Variants in ANK3 observed in about 807,000 individuals in gnomAD.
ANK3 encodes ankyrin-3.
In ANK3, 57 loss-of-function variants were observed where a neutral mutation model predicts 370.9. That is an observed-to-expected ratio of 0.15 (90% CI 0.12 to 0.19). The LOEUF (loss-of-function observed/expected upper bound fraction) is 0.19, where lower values mean the gene tolerates loss of function less well. Ranked by LOEUF, ANK3 falls within the 10% of genes least tolerant of loss-of-function variation. The pLI is 1.00. For synonymous variants in ANK3, 1,929 were observed against 1,946.3 expected (o/e 0.99, Z 0.23); for missense variants, 4,439 against 5,302.1 (o/e 0.84, Z 5.06).
At chr10:60,183,633 C>A (rs1053290795) in intron 17 of ANK3, among the ~76,000 whole-genome samples, 3 of 151,914 alleles carry the variant, frequency 2.0e-5, no homozygotes, top group Non-Finnish European at 4.4e-5. Context: ...CCAAGGCGGA[C>A]GGATCCCCTG....
intron 16 of ANK3, among the ~76,000 whole-genome samples, chr10:60,189,498 CA>C (rs2096428712): frequency 6.6e-6 from 1 of 152,124 alleles, no homozygotes; most frequent in Non-Finnish European, 1.5e-5. Flanking sequence ...AAGTATAAAG[CA>C]AGGGAAAAGT....
intron 41 of ANK3, among the ~76,000 whole-genome samples, chr10:60,057,472 T>C (rs1432185145): frequency 1.3e-5 from 2 of 152,192 alleles, no homozygotes; most frequent in Admixed American, 1.3e-4. Flanking sequence ...CTGAACATAC[T>C]TATTTTTAAA....
At chr10:60,500,580 G>T (rs1350833274) in intron 2 of ANK3, among the ~76,000 whole-genome samples, 1 of 152,116 alleles carries the variant, frequency 6.6e-6, no homozygotes, top group Admixed American at 6.5e-5. Flanking sequence ...AATACAGTGA[G>T]GTTTTGAGAT....
intron 1 of ANK3, among the ~76,000 whole-genome samples, chr10:60,680,151 GGAAA>G (rs997722553): frequency 2.3e-5 from 3 of 131,238 alleles, no homozygotes; most frequent in Non-Finnish European, 5.0e-5. Context: ...AAAAAAAAAA[GGAAA>G]GAAAGAAAGA....
Position 60,074,434 on chromosome 10 carries a change from A to G in ANK3, c.6447T>C (p.Pro2149=), listed in dbSNP as rs753968807. Residue 2149 remains proline, a synonymous_variant, in exon 37 of 44, where the codon CCT becomes CCC. Transcript: ENST00000280772. The part of the protein sequence containing the change: ...SAPQSAESTG[P]KPLFHEVPIP... ...TGGGAACTTCATGAAAAAGTGGTTT[A>G]GGACCAGTGCTTTCAGCGCTTTGTG... 2.5e-6 allele frequency: 4 copies of G among 1,614,124 alleles called. No homozygotes were observed. The highest frequency in any genetic ancestry group is 2.5e-6 in the Non-Finnish European group (3 of 1,179,992).
chr10:60,294,276 T>C (rs952210687), intron 1 of ANK3, among the ~76,000 whole-genome samples: 13 of 152,180 alleles, frequency 8.5e-5, no homozygotes, highest in African/African-American at 2.9e-4. Context: ...GCGAATCAGA[T>C]AGGAAATTAC....
intron 23 of ANK3, among the ~76,000 whole-genome samples, chr10:60,159,841 A>G (rs2095448593): frequency 6.6e-6 from 1 of 152,160 alleles, no homozygotes; most frequent in Non-Finnish European, 1.5e-5. Flanking sequence ...AATAAATTAA[A>G]AAGAAAATTT....
intron 1 of ANK3, among the ~76,000 whole-genome samples, chr10:60,634,344 T>G (rs529188191): frequency 1.3e-5 from 2 of 152,294 alleles, no homozygotes; most frequent in South Asian, 4.1e-4. Context: ...TGTTTATGAT[T>G]TATACCATGA....
chr10:60,201,865 C>A (rs921228079), intron 12 of ANK3, among the ~76,000 whole-genome samples: 2 of 151,950 alleles, frequency 1.3e-5, no homozygotes, highest in African/African-American at 4.8e-5. Flanking sequence ...GCATGCACCA[C>A]CACGCCCAGC....
chr10:60,246,255 C>CAAAA lies in ANK3; in HGVS notation c.799-11473_799-11470dup, dbSNP rs869144298. Among the ~76,000 whole-genome samples the CAAAA allele has an allele frequency of 6.2e-4, 57 of 92,656 alleles. 4 individuals are homozygous for CAAAA. The highest frequency in any genetic ancestry group is 2.4e-3 in the African/African-American group (51 of 21,252). 60.8% of individuals were successfully genotyped at this position (92,656 alleles called of 152,430 possible). On this transcript the variant is annotated intron_variant, in intron 7 of 43. Transcript: ENST00000280772. Reference sequence around the variant, plus strand: ...TGGGCAACAGAGAGAAACCCTGTATCAAAAAAAAAAAAAAAAAAAAAAAAA... The same window carrying CAAAA: ...TGGGCAACAGAGAGAAACCCTGTATCAAAAAAAAAAAAAAAAAAAAAAAAAAAAA...
intron 2 of ANK3, chr10:60,615,182 T>C: frequency 1.3e-6 from 2 of 1,505,146 alleles, no homozygotes; most frequent in Middle Eastern, 1.7e-4. Context: ...ATAATTTTCA[T>C]TACCTTTCTA....
intron 2 of ANK3, among the ~76,000 whole-genome samples, chr10:60,414,197 A>G (rs935613469): frequency 6.6e-5 from 10 of 152,168 alleles, no homozygotes; most frequent in Admixed American, 5.2e-4. Context: ...CAGCATTTAT[A>G]TTTATCATGT....
chr10:60,690,331 C>A lies in ANK3; in HGVS notation c.57+42932G>T, dbSNP rs75930774. Among the ~76,000 whole-genome samples the A allele has an allele frequency of 6.4e-3, 980 of 152,252 alleles. 10 individuals are homozygous for A. Among genetic ancestry groups the A allele is most frequent in the African/African-American group, 0.022 (910 of 41,524 alleles). ...GGTCAGGGGATTTCCCTTTCCTTTT[C>A]CTAGCCAAGCCTTGACAAGACGGTT... is the stretch of plus-strand genomic sequence containing the variant. On this transcript the variant is annotated intron_variant, in intron 1 of 43. Coordinates refer to the ANK3 transcript ENST00000373827.
chr10:60,140,040 T>A, intron 23 of ANK3: 1 of 429,468 alleles, frequency 2.3e-6, no homozygotes, highest in Middle Eastern at 6.3e-4. Context: ...GTACATGTTG[T>A]GTTTTCTCAA....
intron 8 of ANK3, among the ~76,000 whole-genome samples, chr10:60,226,683 CATAAT>C (rs1186374841): frequency 7.4e-6 from 1 of 135,880 alleles, no homozygotes; most frequent in Non-Finnish European, 1.5e-5. Context: ...TATAGTATAA[CATAAT>C]ATACTATATT....
intron 5 of ANK3, among the ~76,000 whole-genome samples, chr10:60,265,265 C>T: frequency 6.6e-6 from 1 of 152,138 alleles, no homozygotes. Flanking sequence ...CCCATTACTC[C>T]CAGTTCCTAG....
At chr10:60,082,077 C>T (rs2132006989) in intron 35 of ANK3, 73 bp downstream of exon 35, 1 of 1,249,800 alleles carries the variant, frequency 8.0e-7, no homozygotes, top group Non-Finnish European at 1.2e-6. Flanking sequence ...CTTTAGCCCT[C>T]TGCAACTTCT....
chr10:60,470,946 G>A (rs2065203254), intron 2 of ANK3, among the ~76,000 whole-genome samples: 1 of 151,964 alleles, frequency 6.6e-6, no homozygotes, highest in Non-Finnish European at 1.5e-5. Flanking sequence ...TCCCTGACTT[G>A]CAATCCTCTG....
intron 2 of ANK3, among the ~76,000 whole-genome samples, chr10:60,528,199 C>A (rs539576591): frequency 3.0e-5 from 4 of 132,520 alleles, no homozygotes; most frequent in Non-Finnish European, 6.1e-5. Flanking sequence ...TGTAATGGTG[C>A]AATCTCGACT....
Sources: allele counts gnomAD v4.1 joint callset (sites outside exome capture counted in the v4.1 genomes callset), GRCh38; gene constraint gnomAD v4.1.1; transcripts MANE v1.5; gene names NCBI Gene and HGNC (gene_info 2026-07-23, HGNC 2026-07-21).